Variants in ADCY9 observed in about 807,000 individuals in gnomAD.
The protein encoded by ADCY9 is adenylate cyclase type 9.
Under a neutral mutation model 101.5 loss-of-function variants are expected in ADCY9, and 50 were observed. The observed-to-expected ratio is 0.49, with a 90% CI of 0.39 to 0.62. ADCY9 has a LOEUF of 0.62. Ranked by LOEUF, ADCY9 falls within the 20% of genes least tolerant of loss-of-function variation. ADCY9 has a pLI of 0.00. For synonymous variants in ADCY9, 905 were observed against 769.3 expected (o/e 1.18, Z -2.92); for missense variants, 1,662 against 1,800.4 (o/e 0.92, Z 1.39).
rs78213617 is a variant in ADCY9, at chr16:4,087,052, G to C, written c.1693+26698C>G. 6.0e-3 allele frequency among the ~76,000 whole-genome samples: 912 copies of C among 152,066 alleles called. 11 individuals carry two copies. Among genetic ancestry groups the C allele is most frequent in the African/African-American group, 0.021 (873 of 41,518 alleles). ...GCTCACCTGAACCCTATTCCATTCT[G>C]ATACTGCGCCCTACATCCCAACAAG... On this transcript the variant is annotated intron_variant, in intron 2 of 10. Transcript: ENST00000294016.
chr16:4,074,782 C>T (rs1030551117), intron 2 of ADCY9, among the ~76,000 whole-genome samples: 8 of 149,094 alleles, frequency 5.4e-5, no homozygotes, highest in Non-Finnish European at 8.9e-5. Flanking sequence ...AAAAAGTGAT[C>T]GAGGGGAAAA....
At chr16:4,002,341 T>C (rs2056336724) in intron 3 of ADCY9, among the ~76,000 whole-genome samples, 1 of 152,230 alleles carries the variant, frequency 6.6e-6, no homozygotes, top group Non-Finnish European at 1.5e-5. Flanking sequence ...TCATAATGAC[T>C]TGACACATAG....
Position 3,966,539 on chromosome 16 carries a change from C to G in ADCY9, c.3298G>C (p.Asp1100His). ...GDFDELLSKP[D>H]YSSIEKIKTI... ...TTGATCTTCTCGATGCTGCTGTAGTCCGGCTTGCTTAGGAGCTCGTCAAAG... is the reference window on the plus strand; with the variant it reads ...TTGATCTTCTCGATGCTGCTGTAGTGCGGCTTGCTTAGGAGCTCGTCAAAG... The change falls in exon 11 of 11, where the codon GAC (aspartate) becomes CAC (histidine). Residue 1100 changes from aspartate (D) to histidine (H), a missense_variant. Asp to His is a moderately conservative substitution (Grantham distance 81). This residue lies in a region of ADCY9 where 220 missense variants were observed against 312.9 expected (regional missense o/e 0.70). Transcript: ENST00000294016. The G allele has an allele frequency of 6.2e-7, 1 of 1,614,188 alleles. No homozygotes were observed. Among genetic ancestry groups the G allele is most frequent in the Non-Finnish European group, 8.5e-7 (1 of 1,180,046 alleles).
intron 2 of ADCY9, among the ~76,000 whole-genome samples, chr16:4,042,071 C>G (rs1329788170): frequency 6.6e-6 from 1 of 151,980 alleles, no homozygotes; most frequent in Non-Finnish European, 1.5e-5. Flanking sequence ...CTACAGGCGT[C>G]CGCCACCACT....
chr16:3,980,194 T>C (rs2056128856), intron 7 of ADCY9, among the ~76,000 whole-genome samples: 1 of 152,232 alleles, frequency 6.6e-6, no homozygotes, highest in African/African-American at 2.4e-5. Flanking sequence ...AAAGACTTTG[T>C]CCTTCTAAGC....
At chr16:4,102,667 C>T (rs377617732) in intron 2 of ADCY9, among the ~76,000 whole-genome samples, 19 of 152,110 alleles carry the variant, frequency 1.2e-4, no homozygotes, top group Non-Finnish European at 2.6e-4. Context: ...TCAGGTGATC[C>T]GCCCGCCTCG....
At chr16:4,021,218 G>T (rs1228306050) in intron 2 of ADCY9, among the ~76,000 whole-genome samples, 1 of 152,194 alleles carries the variant, frequency 6.6e-6, no homozygotes, top group Non-Finnish European at 1.5e-5. Flanking sequence ...GGCGTGCCAT[G>T]GGTGCTCTCC....
rs557688427 is a variant in ADCY9, at chr16:4,014,384, G to C, written c.1694-6826C>G. ...ATATGAGATGGATTTATGGAAGAAAGTGAAAGAAACAAAGGGTAGGCACCT... is the reference window on the plus strand; with the variant it reads ...ATATGAGATGGATTTATGGAAGAAACTGAAAGAAACAAAGGGTAGGCACCT... On this transcript the variant is annotated intron_variant, in intron 2 of 10. Transcript: ENST00000294016. Among the ~76,000 whole-genome samples, 17 of 151,490 alleles carry C rather than the reference G, an allele frequency of 1.1e-4. 1 individual carries two copies. The highest frequency in any genetic ancestry group is 4.1e-4 in the African/African-American group (17 of 41,346).
intron 2 of ADCY9, among the ~76,000 whole-genome samples, chr16:4,096,038 G>C (rs968290882): frequency 3.3e-5 from 5 of 150,520 alleles, no homozygotes; most frequent in African/African-American, 1.2e-4. Context: ...CTTTATTCAG[G>C]AAACGTGATC....
In ADCY9 at chr16:4,113,771, C is replaced by G. The variant is rs767419142; in HGVS notation, c.1672G>C (p.Val558Leu). 3.1e-6 allele frequency: 5 copies of G among 1,613,142 alleles called. No individual in the cohort carries two copies. In the East Asian group the frequency reaches 1.1e-4, roughly 36 times the overall value. Reference protein sequence around the residue: ...GKVIERLGQSVVADQLKGLKT... With the variant: ...GKVIERLGQSLVADQLKGLKT... ...ATACCTTTCAACTGGTCAGCAACCA[C>G]GCTCTGGCCCAGCCGTTCAATAACT... The change falls in exon 2 of 11, where the codon GTG becomes CTG. Residue 558 changes from valine to leucine, a missense_variant. Transcript: ENST00000294016.
intron 10 of ADCY9, among the ~76,000 whole-genome samples, chr16:3,967,332 T>G (rs1054936859): frequency 6.9e-6 from 1 of 145,956 alleles, no homozygotes; most frequent in African/African-American, 2.5e-5. Context: ...ATCGTTTTTC[T>G]TTTCTTTTTC....
At chr16:3,957,681 A>G (rs1371702088), downstream of ADCY9, among the ~76,000 whole-genome samples, 2 of 152,092 alleles carry the variant, frequency 1.3e-5, no homozygotes, top group African/African-American at 4.8e-5. Context: ...AGAAGGCTAG[A>G]AAGCCGTGGA....
chr16:4,083,602 C>T (rs949124784), intron 2 of ADCY9, among the ~76,000 whole-genome samples: 6 of 152,174 alleles, frequency 3.9e-5, no homozygotes, highest in Non-Finnish European at 8.8e-5. Context: ...AGTGAAACAA[C>T]CCAAATATCC....
intron 3 of ADCY9, 135 bp from the exon 4 acceptor site, chr16:3,993,645 G>C (rs1255802662): frequency 1.8e-6 from 2 of 1,110,204 alleles, no homozygotes; most frequent in South Asian, 1.5e-5. Flanking sequence ...AGAACCGCTC[G>C]GGGATGAGCT....
chr16:4,013,903 C>T (rs1326927850), intron 2 of ADCY9, among the ~76,000 whole-genome samples: 1 of 152,164 alleles, frequency 6.6e-6, no homozygotes, highest in African/African-American at 2.4e-5. Context: ...TAAGTCCTTC[C>T]TACTCATATG....
intron 6 of ADCY9, chr16:3,984,204 T>A (rs2056170955): frequency 1.3e-5 from 2 of 152,248 alleles, no homozygotes; most frequent in South Asian, 4.1e-4. Context: ...GGTCCCTGCA[T>A]CTGTAAGGCA....
At chr16:4,018,142 G>A (rs2056450457) in intron 2 of ADCY9, among the ~76,000 whole-genome samples, 1 of 152,162 alleles carries the variant, frequency 6.6e-6, no homozygotes, top group Admixed American at 6.5e-5. Context: ...GGCCACCGAG[G>A]CTGCGGAGCC....
At chr16:4,070,363 T>C (rs963156494) in intron 2 of ADCY9, among the ~76,000 whole-genome samples, 10 of 152,198 alleles carry the variant, frequency 6.6e-5, no homozygotes, top group South Asian at 2.1e-4. Context: ...GTATTTCTTA[T>C]ATGTGGCTTT....
intron 2 of ADCY9, among the ~76,000 whole-genome samples, chr16:4,012,974 G>A (rs921715328): frequency 1.3e-5 from 2 of 151,956 alleles, no homozygotes; most frequent in African/African-American, 2.4e-5. Context: ...GAACAACAGC[G>A]AGGCACGGGG....
Sources: gnomAD v4.1 joint callset for allele counts (sites outside exome capture counted in the v4.1 genomes callset) on GRCh38, gnomAD v4.1.1 for gene constraint, gnomAD v4.1.1 regional missense constraint, MANE v1.5 for transcripts, NCBI Gene and HGNC (gene_info 2026-07-23, HGNC 2026-07-21) for gene names.